Variants in JPT1 observed in about 807,000 individuals in gnomAD.
JPT1 encodes androgen-regulated protein 2.
JPT1 carries 5 observed loss-of-function variants against 17.0 expected under a neutral mutation model. The ratio of observed to expected loss-of-function variants is 0.29; its 90% CI spans 0.15 to 0.62. The LOEUF is 0.62. Among genes scored for constraint, JPT1 ranks in the 20% least tolerant of loss-of-function variants. The probability of loss-of-function intolerance (pLI) is 0.85; values close to 1 mark genes in which losing one functional copy is unlikely to be tolerated. For missense variants in JPT1, 158 were observed against 188.1 expected, an observed-to-expected ratio of 0.84 and a Z score of 0.94; for synonymous variants, 71 against 73.6, an observed-to-expected ratio of 0.96 and a Z score of 0.18.
chr17:75,143,352 G>A (rs1024162692), intron 4 of JPT1, among the ~76,000 whole-genome samples: 10 of 152,080 alleles, frequency 6.6e-5, no homozygotes, highest in Admixed American at 4.6e-4. Flanking sequence ...TGGAGGTCAG[G>A]AGTTCAGTAT....
At chr17:75,143,895 C>T (rs993845667) in intron 4 of JPT1, among the ~76,000 whole-genome samples, 1 of 151,976 alleles carries the variant, frequency 6.6e-6, no homozygotes, top group Non-Finnish European at 1.5e-5. Flanking sequence ...CCAAAAGGGG[C>T]TGGGCACAGT....
Position 75,138,403 on chromosome 17 carries a change from T to G in JPT1, c.317-2153A>C, listed in dbSNP as rs148851528. On this transcript the variant is annotated intron_variant, in intron 4 of 4. Coordinates refer to ENST00000409753, the MANE Select transcript of JPT1 (RefSeq NM_016185.4). Reference sequence around the variant, plus strand: ...AAGGGCAGTTAATAATGCTCCTATATTAATGGATTTTTTTTTTTTTTTTGA... The same window carrying G: ...AAGGGCAGTTAATAATGCTCCTATAGTAATGGATTTTTTTTTTTTTTTTGA... 31 of 147,490 alleles carry G rather than the reference T, an allele frequency of 2.1e-4. 1 individual carries two copies. The highest frequency in any genetic ancestry group is 7.7e-4 in the African/African-American group (31 of 40,472). 9.1% of individuals were successfully genotyped at this position (147,490 alleles called of 1,614,324 possible).
intron 1 of JPT1, among the ~76,000 whole-genome samples, chr17:75,150,376 C>G (rs2074525213): frequency 6.6e-6 from 1 of 152,124 alleles, no homozygotes; most frequent in Non-Finnish European, 1.5e-5. Flanking sequence ...GCCTCAGCCC[C>G]TGAGTAGCTG....
At chr17:75,148,428 GT>G in intron 2 of JPT1, 100 bp downstream of exon 2, 1 of 1,428,214 alleles carries the variant, frequency 7.0e-7, no homozygotes, top group Non-Finnish European at 9.5e-7. Flanking sequence ...GTTTTGTTTT[GT>G]TTTTTAGACA....
intron 4 of JPT1, among the ~76,000 whole-genome samples, chr17:75,144,593 T>C (rs896877910): frequency 6.6e-6 from 1 of 152,132 alleles, no homozygotes; most frequent in Admixed American, 6.6e-5. Context: ...TCTGTGAACC[T>C]CTCTAGCAAA....
At chr17:75,149,862 TACACACACACAC>T (rs58993126) in intron 1 of JPT1, among the ~76,000 whole-genome samples, 1 of 147,598 alleles carries the variant, frequency 6.8e-6, no homozygotes, top group African/African-American at 2.5e-5. Flanking sequence ...CTTACACACT[TACACACACACAC>T]ACACACACAC....
At chr17:75,151,000 C>G (rs1398847696) in intron 1 of JPT1, among the ~76,000 whole-genome samples, 1 of 151,664 alleles carries the variant, frequency 6.6e-6, no homozygotes, top group Non-Finnish European at 1.5e-5. Context: ...ACTACAGGCG[C>G]CCGCCGGAAC....
At chr17:75,148,445 G>T in intron 2 of JPT1, 84 bp downstream of exon 2, 1 of 1,504,730 alleles carries the variant, frequency 6.6e-7, no homozygotes. Flanking sequence ...AGACACGGGG[G>T]CACATGCTGG....
At chr17:75,152,145 C>T (rs746628970) in intron 1 of JPT1, among the ~76,000 whole-genome samples, 1 of 152,176 alleles carries the variant, frequency 6.6e-6, no homozygotes, top group Middle Eastern at 3.4e-3. Context: ...GTGAGATATC[C>T]CCAAACAAAG....
At chr17:75,150,690 CT>C (rs201038813) in intron 1 of JPT1, among the ~76,000 whole-genome samples, 3 of 150,848 alleles carry the variant, frequency 2.0e-5, no homozygotes, top group African/African-American at 4.9e-5. Context: ...GCCCAGCCAA[CT>C]TTTTTTTTAA....
intron 3 of JPT1, 169 bp downstream of exon 3, chr17:75,147,387 G>A (rs962951488): frequency 1.0e-5 from 6 of 575,664 alleles, no homozygotes; most frequent in Non-Finnish European, 1.9e-5. Context: ...CTGAGACCAT[G>A]TTAACACACT....
In JPT1 at chr17:75,147,561, G is replaced by A. The variant is rs368871606; in HGVS notation, c.292C>T (p.Leu98=). 3.3e-5 allele frequency: 53 copies of A among 1,611,666 alleles called. No individual in the cohort carries two copies. The East Asian group carries it at 3.8e-4, about 12-fold the overall frequency. ...CCTCATGCTGTCACACTGACCTTCA[G>A]ATCTAAGAAGTCTCCGGAGCTTGCT... ...SEASSGDFLD[L]KGEGDIHENV... Residue 98 remains leucine, a synonymous_variant, in exon 3 of 5, where the codon CTG becomes TTG. Coordinates refer to ENST00000409753, the MANE Select transcript of JPT1 (RefSeq NM_016185.4).
chr17:75,148,788 A>C, intron 1 of JPT1, 117 bp from the exon 2 acceptor site: 10 of 1,164,274 alleles, frequency 8.6e-6, no homozygotes, highest in African/African-American at 1.5e-5. Flanking sequence ...CACCCCTACA[A>C]CAGATAGCTG....
intron 3 of JPT1, 177 bp downstream of exon 3, chr17:75,147,379 G>T: frequency 1.8e-6 from 1 of 560,802 alleles, no homozygotes. Flanking sequence ...GAAACAGACT[G>T]AGACCATGTT....
chr17:75,144,162 G>C (rs1477346923), intron 4 of JPT1, among the ~76,000 whole-genome samples: 1 of 152,080 alleles, frequency 6.6e-6, no homozygotes, highest in East Asian at 1.9e-4. Flanking sequence ...TCCTGTACTT[G>C]GGACCTTTCC....
intron 1 of JPT1, among the ~76,000 whole-genome samples, chr17:75,149,862 T>TACACACAC (rs58993126): frequency 0.035 from 5,234 of 147,534 alleles, 215 homozygotes; most frequent in South Asian, 0.13. Flanking sequence ...CTTACACACT[T>TACACACAC]ACACACACAC....
At chr17:75,154,208 A>C (rs1428755538) in intron 1 of JPT1, 134 bp downstream of exon 1, 4 of 561,950 alleles carry the variant, frequency 7.1e-6, no homozygotes, top group Middle Eastern at 5.8e-4. Flanking sequence ...CGACGGCAGA[A>C]CCCCGCCACC....
chr17:75,151,913 G>A (rs2074560229), intron 1 of JPT1, among the ~76,000 whole-genome samples: 1 of 150,620 alleles, frequency 6.6e-6, no homozygotes, highest in Admixed American at 6.7e-5. Flanking sequence ...AGGTTGCGGT[G>A]AGCAGAGATT....
chr17:75,145,176 A>C (rs555105163), intron 4 of JPT1: 1 of 148,804 alleles, frequency 6.7e-6, no homozygotes, highest in South Asian at 2.2e-4. Context: ...AAAAAAAAAA[A>C]AAAAAAAAAC....
Sources: gnomAD v4.1 joint callset for allele counts (sites outside exome capture counted in the v4.1 genomes callset) on GRCh38, gnomAD v4.1.1 for gene constraint, MANE v1.5 for transcripts, NCBI Gene and HGNC (gene_info 2026-07-23, HGNC 2026-07-21) for gene names.